Variants in VPS4B observed in about 807,000 individuals in gnomAD.
The protein encoded by VPS4B is vacuolar protein sorting 4 homolog B.
A neutral mutation model predicts 56.1 loss-of-function variants in VPS4B; 23 were observed. The ratio of observed to expected loss-of-function variants is 0.41; its 90% CI spans 0.30 to 0.58. The LOEUF (loss-of-function observed/expected upper bound fraction) is 0.58. Ranked by LOEUF, VPS4B falls within the 20% of genes least tolerant of loss-of-function variation. The pLI is 0.29. For missense variants in VPS4B, 372 were observed against 531.9 expected (o/e 0.70, Z 2.96); for synonymous variants, 177 against 186.0 (o/e 0.95, Z 0.39).
At chr18:63,406,636 T>C (rs373272643) in intron 4 of VPS4B, among the ~76,000 whole-genome samples, 23 of 152,328 alleles carry the variant, frequency 1.5e-4, no homozygotes, top group African/African-American at 5.1e-4. Flanking sequence ...AGCCAACAAA[T>C]AGATGCCTTT....
chr18:63,396,931 A>G (rs1915682430), intron 9 of VPS4B, 103 bp downstream of exon 9: 1 of 1,146,186 alleles, frequency 8.7e-7, no homozygotes, highest in Non-Finnish European at 1.2e-6. Flanking sequence ...CGGAGGTTGC[A>G]GCAAGCCCAG....
rs1488177958 is a variant in VPS4B, at chr18:63,390,089, G to C, written c.*886C>G. 2 of 152,352 alleles carry C rather than the reference G, an allele frequency of 1.3e-5. No individual in the cohort carries two copies. The highest frequency in any genetic ancestry group is 2.9e-5 in the Non-Finnish European group (2 of 68,018). 9.4% of individuals were successfully genotyped at this position (152,352 alleles called of 1,614,324 possible). ...AGAGTTTTATTCAGTCGCCCAGGCT[G>C]GAGTGCAATGGCGCTATCTCGGCGC... On this transcript the variant is annotated 3_prime_UTR_variant, in exon 11 of 11. Coordinates refer to ENST00000238497, the MANE Select transcript of VPS4B (RefSeq NM_004869.4).
chr18:63,414,180 G>A (rs375396275), intron 1 of VPS4B, among the ~76,000 whole-genome samples: 4 of 151,838 alleles, frequency 2.6e-5, no homozygotes, highest in South Asian at 2.1e-4. Flanking sequence ...TCAGGAGTTC[G>A]AGACCAGCCT....
intron 1 of VPS4B, among the ~76,000 whole-genome samples, chr18:63,419,017 A>G (rs1165515151): frequency 6.6e-6 from 1 of 152,126 alleles, no homozygotes; most frequent in African/African-American, 2.4e-5. Flanking sequence ...CCTGGCCCCA[A>G]ATAGCTCTCC....
chr18:63,392,424 G>A (rs553984821), intron 10 of VPS4B, among the ~76,000 whole-genome samples: 29 of 152,234 alleles, frequency 1.9e-4, no homozygotes, highest in African/African-American at 4.6e-4. Flanking sequence ...AATGATACAA[G>A]CATTAGTATT....
At chr18:63,398,732 G>A (rs1217598868) in intron 8 of VPS4B, among the ~76,000 whole-genome samples, 2 of 151,658 alleles carry the variant, frequency 1.3e-5, no homozygotes, top group East Asian at 3.9e-4. Context: ...CTACTTGGGA[G>A]GCTGAGGCAG....
intron 5 of VPS4B, among the ~76,000 whole-genome samples, chr18:63,401,468 G>A (rs1915806324): frequency 6.6e-6 from 1 of 152,016 alleles, no homozygotes; most frequent in African/African-American, 2.4e-5. Flanking sequence ...TGGTCAGGCT[G>A]GTCTCGATCT....
intron 4 of VPS4B, among the ~76,000 whole-genome samples, chr18:63,404,167 C>G (rs898725802): frequency 6.6e-6 from 1 of 151,970 alleles, no homozygotes; most frequent in African/African-American, 2.4e-5. Flanking sequence ...TGGAAAAGCA[C>G]CAAACGTTCC....
At chr18:63,419,194 G>GTA (rs1916235219) in intron 1 of VPS4B, among the ~76,000 whole-genome samples, 1 of 152,180 alleles carries the variant, frequency 6.6e-6, no homozygotes, top group Non-Finnish European at 1.5e-5. Context: ...AGGCCAACGG[G>GTA]GGTGGATCAC....
intron 4 of VPS4B, 69 bp downstream of exon 4, chr18:63,407,363 T>A (rs1448812136): frequency 5.6e-5 from 75 of 1,328,216 alleles, no homozygotes; most frequent in Non-Finnish European, 7.7e-5. Flanking sequence ...ACAAAAACAA[T>A]TCAAATAGAC....
At chr18:63,414,559 C>T (rs1051774828) in intron 1 of VPS4B, among the ~76,000 whole-genome samples, 4 of 152,014 alleles carry the variant, frequency 2.6e-5, no homozygotes, top group Non-Finnish European at 5.9e-5. Context: ...CTCAGCCTCC[C>T]CAGTGGCTGG....
At position 63,391,094 on chromosome 18, in the gene VPS4B, G is replaced by A. The variant is rs763196444; in HGVS notation, c.1234-18C>T. The A allele has an allele frequency of 3.3e-6, 5 of 1,505,782 alleles. No homozygotes were observed. The highest frequency in any genetic ancestry group is 1.8e-6 in the Non-Finnish European group (2 of 1,083,744). The allele number at this position is 1,505,782 out of a possible 1,614,324, so 93.3% of individuals were successfully genotyped here. A position where few individuals can be genotyped will look rare whatever the true frequency, so the allele number is the denominator to read the frequency against. ...ATATCCGACTGTCAGGGAAAAAGAAGGGTAGGGAGGATATTAATAATAGAG... is the reference window on the plus strand; with the variant it reads ...ATATCCGACTGTCAGGGAAAAAGAAAGGTAGGGAGGATATTAATAATAGAG... On this transcript the variant is annotated intron_variant, in intron 10 of 10. Transcript: ENST00000238497.
intron 1 of VPS4B, among the ~76,000 whole-genome samples, chr18:63,418,587 GA>G (rs1286663590): frequency 6.6e-6 from 1 of 151,984 alleles, no homozygotes; most frequent in Non-Finnish European, 1.5e-5. Context: ...TTTTTGTAGA[GA>G]GGGGTTTTCA....
At chr18:63,391,603 T>A (rs1915551477) in intron 10 of VPS4B, among the ~76,000 whole-genome samples, 2 of 152,340 alleles carry the variant, frequency 1.3e-5, no homozygotes, top group Admixed American at 1.3e-4. Flanking sequence ...TTTCTTCCCC[T>A]GAACTGATCA....
chr18:63,393,240 T>G (rs908085090), intron 10 of VPS4B, among the ~76,000 whole-genome samples, 169 bp downstream of exon 10: 3 of 152,242 alleles, frequency 2.0e-5, no homozygotes, highest in African/African-American at 7.2e-5. Context: ...TTAAAAATAA[T>G]GACTTTTTAT....
Position 63,392,288 on chromosome 18 carries a change from T to C in VPS4B, c.1233+1121A>G, listed in dbSNP as rs549227121. Among the ~76,000 whole-genome samples, 6 of 152,344 alleles carry C rather than the reference T, an allele frequency of 3.9e-5. No individual in the cohort carries two copies. The South Asian group carries it at 8.3e-4, about 21-fold the overall frequency. ...ATAACATGCCTTGCAAAGTAAGTCTTGTAGATTATTTTAATTCTTCCAATA... is the reference window on the plus strand; with the variant it reads ...ATAACATGCCTTGCAAAGTAAGTCTCGTAGATTATTTTAATTCTTCCAATA... On this transcript the variant is annotated intron_variant, in intron 10 of 10. Transcript: ENST00000238497.
intron 5 of VPS4B, among the ~76,000 whole-genome samples, chr18:63,403,245 C>T (rs7234319): frequency 0.03 from 4,584 of 152,238 alleles, 220 homozygotes; most frequent in African/African-American, 0.1. Flanking sequence ...AAGTAAAAAT[C>T]TCCTATAATC....
In VPS4B at chr18:63,410,121, T is replaced by C. The variant is rs144257270; in HGVS notation, c.296+169A>G. Among the ~76,000 whole-genome samples, 6 of 152,250 alleles carry C rather than the reference T, an allele frequency of 3.9e-5. 1 individual carries two copies. Among genetic ancestry groups the C allele is most frequent in the East Asian group, 3.9e-4 (2 of 5,186 alleles). The stretch of plus-strand genomic sequence containing the variant: ...ACGAAAGCAGCCCTAGACAACAATA[T>C]GTAAAAGAATGGGCACGGCTGTGTT... On this transcript the variant is annotated intron_variant, in intron 3 of 10. Coordinates refer to ENST00000238497, the MANE Select transcript of VPS4B (RefSeq NM_004869.4).
chr18:63,417,161 C>T (rs56306578), intron 1 of VPS4B, among the ~76,000 whole-genome samples: 3,629 of 152,228 alleles, frequency 0.024, 68 homozygotes, highest in Non-Finnish European at 0.036. Flanking sequence ...TTCTGTCATT[C>T]TTAACAATTT....
Sources: allele counts gnomAD v4.1 joint callset (sites outside exome capture counted in the v4.1 genomes callset), GRCh38; gene constraint gnomAD v4.1.1; transcripts MANE v1.5; gene names NCBI Gene and HGNC (gene_info 2026-07-23, HGNC 2026-07-21).